Variants in DYM observed in about 807,000 individuals in gnomAD.
The protein encoded by DYM is dyggve-Melchior-Clausen syndrome protein.
In DYM, 78 loss-of-function variants were observed where a neutral mutation model predicts 93.1. The observed-to-expected ratio is 0.84, with a 90% CI of 0.70 to 1.01. The LOEUF (loss-of-function observed/expected upper bound fraction) is 1.01. Ranked by LOEUF, DYM falls within the 50% of genes least tolerant of loss-of-function variation. The pLI is 0.00. For synonymous variants in DYM, 321 were observed against 319.7 expected (o/e 1.00, Z -0.04); for missense variants, 789 against 845.0 (o/e 0.93, Z 0.82).
At chr18:49,157,034 T>C (rs1241337070) in intron 15 of DYM, among the ~76,000 whole-genome samples, 1 of 151,856 alleles carries the variant, frequency 6.6e-6, no homozygotes, top group Non-Finnish European at 1.5e-5. Context: ...GTCACTCTGG[T>C]TTGGCTTATT....
chr18:49,080,628 C>T (rs1372307572), intron 17 of DYM, among the ~76,000 whole-genome samples: 3 of 145,634 alleles, frequency 2.1e-5, no homozygotes, highest in South Asian at 2.2e-4. Context: ...GGCGGCTGGC[C>T]GGGCGGGGGG....
intron 8 of DYM, among the ~76,000 whole-genome samples, chr18:49,326,271 TTC>T (rs1425555506): frequency 5.9e-5 from 9 of 152,210 alleles, no homozygotes; most frequent in Admixed American, 3.9e-4. Flanking sequence ...TATCAATTAA[TTC>T]TTTTTCCATT....
chr18:49,215,877 T>A (rs1421679185), intron 13 of DYM, among the ~76,000 whole-genome samples: 1 of 152,146 alleles, frequency 6.6e-6, no homozygotes, highest in Non-Finnish European at 1.5e-5. Flanking sequence ...TTCATCTCAC[T>A]AGGGAGTGCC....
chr18:49,359,671 A>G (rs1016929057), intron 6 of DYM: 1 of 152,210 alleles, frequency 6.6e-6, no homozygotes, highest in Non-Finnish European at 1.5e-5. Context: ...AATGATTTTA[A>G]AAGTCTCATA....
At chr18:49,091,678 G>T (rs554501437) in intron 17 of DYM, among the ~76,000 whole-genome samples, 1 of 152,284 alleles carries the variant, frequency 6.6e-6, no homozygotes, top group Admixed American at 6.5e-5. Flanking sequence ...CAAGTTCCTA[G>T]GGGATGCTGA....
Position 49,043,718 on chromosome 18 carries a change from T to G in DYM, c.*337A>C, listed in dbSNP as rs1355514900. On this transcript the variant is annotated 3_prime_UTR_variant, in exon 18 of 18. Coordinates refer to ENST00000675505, the MANE Select transcript of DYM (RefSeq NM_001353214.3). Reference sequence around the variant, plus strand: ...TTGAATAGTGTGCACTGTTGGATAGTGTGCACTGTTGAAGTGTGATGTGCC... The same window carrying G: ...TTGAATAGTGTGCACTGTTGGATAGGGTGCACTGTTGAAGTGTGATGTGCC... The G allele has an allele frequency of 2.9e-6, 1 of 349,678 alleles. No individual in the cohort carries two copies. Among genetic ancestry groups the G allele is most frequent in the East Asian group, 6.8e-5 (1 of 14,722 alleles). 21.7% of individuals were successfully genotyped at this position (349,678 alleles called of 1,614,324 possible).
chr18:49,329,938 G>T (rs559769753), intron 8 of DYM, among the ~76,000 whole-genome samples: 3 of 152,140 alleles, frequency 2.0e-5, no homozygotes, highest in Non-Finnish European at 4.4e-5. Context: ...CCAACCAAAA[G>T]ATCATCAGAA....
chr18:49,094,811 G>A (rs2145493098), intron 17 of DYM, among the ~76,000 whole-genome samples: 1 of 152,308 alleles, frequency 6.6e-6, no homozygotes, highest in Middle Eastern at 3.4e-3. Flanking sequence ...ATTCTACAAT[G>A]CAAGGGAAAG....
At chr18:49,157,259 C>T (rs1007811580) in intron 15 of DYM, among the ~76,000 whole-genome samples, 2 of 152,144 alleles carry the variant, frequency 1.3e-5, no homozygotes, top group Non-Finnish European at 2.9e-5. Flanking sequence ...TCTAATATCA[C>T]ACCACTCCTC....
Position 49,188,695 on chromosome 18 carries a change from G to T in DYM, c.1625+20856C>A, listed in dbSNP as rs4329976. On this transcript the variant is annotated intron_variant, in intron 14 of 17. Transcript: ENST00000675505. ...CACACACTGGGGCCTGTTGTGGCGTGGGGGGAAGGGGGAGGGATAGCATTT... is the reference window on the plus strand; with the variant it reads ...CACACACTGGGGCCTGTTGTGGCGTTGGGGGAAGGGGGAGGGATAGCATTT... Among the ~76,000 whole-genome samples the T allele has an allele frequency of 5.9e-5, 9 of 151,396 alleles. No individual in the cohort carries two copies. The South Asian group carries it at 1.5e-3, about 25-fold the overall frequency.
Position 49,134,949 on chromosome 18 carries a change from A to G in DYM, c.1729-16023T>C, listed in dbSNP as rs957352853. ...TGGTGAAACCCCATCTCTACTAAAAATACAACAAATTAGCTGGGCGTGGTG... is the reference window on the plus strand; with the variant it reads ...TGGTGAAACCCCATCTCTACTAAAAGTACAACAAATTAGCTGGGCGTGGTG... On this transcript the variant is annotated intron_variant, in intron 15 of 17. Coordinates refer to ENST00000675505, the MANE Select transcript of DYM (RefSeq NM_001353214.3). 4.6e-5 allele frequency among the ~76,000 whole-genome samples: 7 copies of G among 152,272 alleles called. No individual in the cohort carries two copies. The South Asian group carries it at 8.3e-4, about 18-fold the overall frequency.
rs377337062 is a variant in DYM at position 49,066,837 on chromosome 18, T to G, written c.2026-22633A>C. ...ACAGCTTACAAGGTGGCTATCATAC[T>G]TGCATCTTGGCCAACATAGCCTCCT... On this transcript the variant is annotated intron_variant, in intron 17 of 17. Transcript: ENST00000675505. Among the ~76,000 whole-genome samples the G allele has an allele frequency of 5.3e-5, 8 of 152,298 alleles. No individual in the cohort carries two copies. The East Asian group carries it at 1.5e-3, about 29-fold the overall frequency.
chr18:49,083,262 T>G (rs924442880), intron 17 of DYM, among the ~76,000 whole-genome samples: 1 of 152,234 alleles, frequency 6.6e-6, no homozygotes, highest in Admixed American at 6.5e-5. Flanking sequence ...TCTATTAAAA[T>G]GATCATGTGG....
At chr18:49,197,040 C>G (rs371625557) in intron 14 of DYM, among the ~76,000 whole-genome samples, 2 of 152,040 alleles carry the variant, frequency 1.3e-5, no homozygotes, top group African/African-American at 4.8e-5. Context: ...AGATGGTGGG[C>G]AGAAGCAACT....
intron 2 of DYM, among the ~76,000 whole-genome samples, chr18:49,415,941 A>G (rs1352485235): frequency 6.6e-6 from 1 of 152,052 alleles, no homozygotes; most frequent in African/African-American, 2.4e-5. Context: ...AAAAAAAAAA[A>G]AAGGTAGATT....
chr18:49,276,185 A>G (rs507742), intron 10 of DYM, among the ~76,000 whole-genome samples: 151,634 of 152,318 alleles, frequency 1, 75,482 homozygotes, highest in Middle Eastern at 1. Context: ...TTACCATTAA[A>G]TATGATGTGA....
In DYM at chr18:49,212,205, A is replaced by G. The variant is rs562309878; in HGVS notation, c.1461-2490T>C. Among the ~76,000 whole-genome samples, 95 of 152,372 alleles carry G rather than the reference A, an allele frequency of 6.2e-4. 1 individual carries two copies. Among genetic ancestry groups the G allele is most frequent in the Admixed American group, 7.2e-4 (11 of 15,308 alleles). On this transcript the variant is annotated intron_variant, in intron 13 of 17. Coordinates refer to ENST00000675505, the MANE Select transcript of DYM (RefSeq NM_001353214.3). ...ATTCCAGATTAAAAAAGATGAAAGA[A>G]GACAACTATATGTAACATGATTTTG...
chr18:49,263,079 G>A (rs1321297028), intron 11 of DYM, among the ~76,000 whole-genome samples: 1 of 151,608 alleles, frequency 6.6e-6, no homozygotes, highest in Non-Finnish European at 1.5e-5. Flanking sequence ...GTACATCTGC[G>A]AGAATTTACT....
intron 13 of DYM, among the ~76,000 whole-genome samples, chr18:49,231,722 T>A (rs1598791336): frequency 6.6e-6 from 1 of 152,220 alleles, no homozygotes; most frequent in African/African-American, 2.4e-5. Flanking sequence ...GTAGTGGCAG[T>A]CTAGATCCAA....
Sources: allele counts gnomAD v4.1 joint callset (sites outside exome capture counted in the v4.1 genomes callset), GRCh38; gene constraint gnomAD v4.1.1; transcripts MANE v1.5; gene names NCBI Gene and HGNC (gene_info 2026-07-23, HGNC 2026-07-21).